The following RNLS variants were observed in gnomAD, a reference collection of about 807,000 sequenced individuals.
The protein encoded by RNLS is renalase, FAD dependent amine oxidase.
In RNLS, 39 loss-of-function variants were observed where a neutral mutation model predicts 39.8. That is an observed-to-expected ratio of 0.98 (90% confidence interval 0.76 to 1.28). The LOEUF is 1.28. Ranked by LOEUF, RNLS falls within the 50% of genes most tolerant of loss-of-function variation. The pLI is 0.00. For missense variants in RNLS, 410 were observed against 413.3 expected (o/e 0.99, Z 0.07); for synonymous variants, 147 against 150.7 (o/e 0.98, Z 0.18).
intron 4 of RNLS, among the ~76,000 whole-genome samples, chr10:88,506,177 A>G (rs1477855985): frequency 6.6e-6 from 1 of 152,144 alleles, no homozygotes; most frequent in African/African-American, 2.4e-5. Context: ...CAAAAAAGTC[A>G]AGTTCACAAA....
chr10:88,198,529 A>G, the RNLS span, among the ~76,000 whole-genome samples: 1 of 152,138 alleles, frequency 6.6e-6, no homozygotes, highest in Non-Finnish European at 1.5e-5. Context: ...TCTCTGCCCA[A>G]ATCTCACGTT....
chr10:88,247,549 C>A, the RNLS span, among the ~76,000 whole-genome samples: 1 of 152,160 alleles, frequency 6.6e-6, no homozygotes, highest in Non-Finnish European at 1.5e-5. Flanking sequence ...AAAACAGGAA[C>A]AATAACAATG....
At chr10:88,196,265 A>C in the RNLS span, among the ~76,000 whole-genome samples, 151 of 152,342 alleles carry the variant, frequency 9.9e-4, no homozygotes, top group Non-Finnish European at 1.4e-3. Context: ...CTTCTTTGTT[A>C]GAGAAATGAG....
chr10:88,343,244 CAG>C (rs1392860706), intron 5 of RNLS, among the ~76,000 whole-genome samples: 1 of 152,120 alleles, frequency 6.6e-6, no homozygotes, highest in Non-Finnish European at 1.5e-5. Flanking sequence ...TAAAATAAGA[CAG>C]TGTCTTGACA....
chr10:88,265,613 A>T, the RNLS span, among the ~76,000 whole-genome samples: 1 of 151,820 alleles, frequency 6.6e-6, no homozygotes, highest in African/African-American at 2.4e-5. Context: ...TTTTGCAGCT[A>T]TCGTGAAAGG....
the RNLS span, among the ~76,000 whole-genome samples, chr10:88,199,941 C>T: frequency 6.6e-6 from 1 of 152,136 alleles, no homozygotes; most frequent in African/African-American, 2.4e-5. Context: ...CTAGCCTAAG[C>T]AACATGGCAA....
chr10:88,557,859 C>T (rs572513152), intron 4 of RNLS, among the ~76,000 whole-genome samples: 13 of 152,240 alleles, frequency 8.5e-5, no homozygotes, highest in Non-Finnish European at 1.3e-4. Context: ...GTGATAATGA[C>T]GCAATTCCAT....
chr10:88,515,444 A>G (rs1846357225), intron 4 of RNLS, among the ~76,000 whole-genome samples: 1 of 151,986 alleles, frequency 6.6e-6, no homozygotes, highest in African/African-American at 2.4e-5. Context: ...CGTTCTCTCA[A>G]TACTTTTCTC....
chr10:88,540,228 G>A (rs1327966211), intron 4 of RNLS, among the ~76,000 whole-genome samples: 1 of 152,076 alleles, frequency 6.6e-6, no homozygotes, highest in Non-Finnish European at 1.5e-5. Flanking sequence ...CATTTCATAA[G>A]CTATTAGAAC....
At chr10:88,399,535 AC>A (rs1266110892) in intron 4 of RNLS, among the ~76,000 whole-genome samples, 1 of 151,984 alleles carries the variant, frequency 6.6e-6, no homozygotes, top group Non-Finnish European at 1.5e-5. Context: ...AAGCAGACAC[AC>A]AAGTCCACAA....
intron 3 of RNLS, among the ~76,000 whole-genome samples, chr10:88,577,444 G>A (rs936464164): frequency 5.3e-5 from 8 of 152,186 alleles, no homozygotes; most frequent in Admixed American, 2.0e-4. Context: ...AGCCACCTTA[G>A]ACAAAGTACC....
chr10:88,373,714 G>C (rs950602040), intron 4 of RNLS, among the ~76,000 whole-genome samples: 13 of 151,812 alleles, frequency 8.6e-5, no homozygotes, highest in Non-Finnish European at 1.9e-4. Context: ...CATTTTTCTT[G>C]GTTATCTTTG....
At chr10:88,243,112 TA>T in the RNLS span, among the ~76,000 whole-genome samples, 1 of 152,164 alleles carries the variant, frequency 6.6e-6, no homozygotes, top group African/African-American at 2.4e-5. Flanking sequence ...TTGTGAGGAT[TA>T]AATCATATAA....
chr10:88,202,388 C>T, the RNLS span, among the ~76,000 whole-genome samples: 2,664 of 152,066 alleles, frequency 0.018, 88 homozygotes, highest in African/African-American at 0.06. Flanking sequence ...ACATGGCACA[C>T]GCATACATAT....
At chr10:88,504,368 G>A (rs933452418) in intron 4 of RNLS, among the ~76,000 whole-genome samples, 1 of 152,012 alleles carries the variant, frequency 6.6e-6, no homozygotes, top group Non-Finnish European at 1.5e-5. Context: ...TTAAAAAAAG[G>A]TGCCAAAGAA....
At chr10:88,243,725 T>C in the RNLS span, among the ~76,000 whole-genome samples, 2 of 152,240 alleles carry the variant, frequency 1.3e-5, no homozygotes, top group Non-Finnish European at 2.9e-5. Context: ...ATAATCTCCC[T>C]GCAAGGCCAG....
chr10:88,546,281 T>C (rs1312706423), intron 4 of RNLS, among the ~76,000 whole-genome samples: 1 of 152,088 alleles, frequency 6.6e-6, no homozygotes, highest in Non-Finnish European at 1.5e-5. Context: ...ATCTATCTGA[T>C]TATAAAGTCA....
chr10:88,322,066 T>G (rs986097148), intron 5 of RNLS, among the ~76,000 whole-genome samples: 1 of 152,154 alleles, frequency 6.6e-6, no homozygotes, highest in Non-Finnish European at 1.5e-5. Flanking sequence ...GCTAGCAAAT[T>G]GAATCTAGCT....
chr10:88,343,259 G>A (rs531840300), intron 5 of RNLS, among the ~76,000 whole-genome samples: 2 of 152,004 alleles, frequency 1.3e-5, no homozygotes, highest in South Asian at 4.1e-4. Context: ...TCTTGACAGT[G>A]ACAGTGACGA....
Sources: gnomAD v4.1 joint callset for allele counts (sites outside exome capture counted in the v4.1 genomes callset) on GRCh38, gnomAD v4.1.1 for gene constraint, MANE v1.5 for transcripts, NCBI Gene and HGNC (gene_info 2026-07-23, HGNC 2026-07-21) for gene names.